The following SAMSN1 variants were observed in gnomAD, a reference collection of about 807,000 sequenced individuals.
SAMSN1 encodes the protein SAM domain, SH3 domain and nuclear localization signals 1.
In SAMSN1, 31 loss-of-function variants were observed where a neutral mutation model predicts 42.0. The observed-to-expected ratio is 0.74, with a 90% CI of 0.55 to 1.00. SAMSN1 has a LOEUF of 1.00. SAMSN1 is among the 50% of genes least tolerant of loss of function. The pLI is 0.00. For missense variants in SAMSN1, 464 were observed against 439.4 expected, an observed-to-expected ratio of 1.06 and a Z score of -0.50; for synonymous variants, 178 against 151.9, an observed-to-expected ratio of 1.17 and a Z score of -1.26.
chr21:14,620,851 C>G (rs1057067224), intron 2 of SAMSN1, among the ~76,000 whole-genome samples: 17 of 152,076 alleles, frequency 1.1e-4, no homozygotes, highest in African/African-American at 4.1e-4. Context: ...AACATGGGTA[C>G]AAACACATAT....
At chr21:14,652,800 A>G (rs1983857470) in intron 1 of SAMSN1, among the ~76,000 whole-genome samples, 1 of 152,118 alleles carries the variant, frequency 6.6e-6, no homozygotes, top group Non-Finnish European at 1.5e-5. Context: ...CGTGGGATTA[A>G]TAACCAGAAC....
chr21:14,657,988 G>A (rs181443183), intron 1 of SAMSN1, among the ~76,000 whole-genome samples: 1 of 151,736 alleles, frequency 6.6e-6, no homozygotes, highest in African/African-American at 2.4e-5. Context: ...AAATGAGAGG[G>A]ATCTCCCATC....
At chr21:14,507,963 A>G (rs919034753) in intron 5 of SAMSN1, among the ~76,000 whole-genome samples, 1 of 152,120 alleles carries the variant, frequency 6.6e-6, no homozygotes, top group African/African-American at 2.4e-5. Context: ...GGGAAAGGAC[A>G]CCCTTTTCAA....
At chr21:14,505,182 AAC>A (rs1202088111) in intron 5 of SAMSN1, among the ~76,000 whole-genome samples, 1 of 151,750 alleles carries the variant, frequency 6.6e-6, no homozygotes, top group Non-Finnish European at 1.5e-5. Flanking sequence ...CAATTTAAAA[AAC>A]ACAAAAAACC....
At chr21:14,624,895 C>A (rs1001528728) in intron 2 of SAMSN1, among the ~76,000 whole-genome samples, 1 of 152,096 alleles carries the variant, frequency 6.6e-6, no homozygotes, top group African/African-American at 2.4e-5. Flanking sequence ...AGTGGCAAAC[C>A]GAATCCAGTA....
chr21:14,613,192 A>C (rs1438787451), intron 3 of SAMSN1, among the ~76,000 whole-genome samples: 1 of 152,206 alleles, frequency 6.6e-6, no homozygotes, highest in Non-Finnish European at 1.5e-5. Flanking sequence ...ATCTCAGGAT[A>C]ACCAAATAGT....
At chr21:14,566,298 A>C (rs2822771) in intron 2 of SAMSN1, among the ~76,000 whole-genome samples, 3,116 of 152,290 alleles carry the variant, frequency 0.02, 44 homozygotes, top group South Asian at 0.034. Context: ...CTAAGTAGTC[A>C]ATTTCAAAAA....
chr21:14,553,340 A>G (rs962888567), intron 2 of SAMSN1, among the ~76,000 whole-genome samples: 1 of 152,080 alleles, frequency 6.6e-6, no homozygotes, highest in African/African-American at 2.4e-5. Flanking sequence ...TTGGTTCTCT[A>G]TATATTGTTA....
intron 2 of SAMSN1, among the ~76,000 whole-genome samples, chr21:14,552,236 T>G (rs1310506339): frequency 1.3e-5 from 2 of 152,130 alleles, no homozygotes; most frequent in Non-Finnish European, 2.9e-5. Flanking sequence ...TTGTCTCTAA[T>G]TTTATGCTTA....
At chr21:14,534,795 A>C (rs1291183260) in intron 1 of SAMSN1, among the ~76,000 whole-genome samples, 2 of 152,186 alleles carry the variant, frequency 1.3e-5, no homozygotes, top group Non-Finnish European at 2.9e-5. Context: ...TGATTACCAC[A>C]ATGAGGCTCA....
intron 1 of SAMSN1, among the ~76,000 whole-genome samples, chr21:14,522,924 T>C (rs1019783564): frequency 5.9e-5 from 9 of 152,120 alleles, no homozygotes; most frequent in Non-Finnish European, 1.3e-4. Context: ...CACTCCTCAT[T>C]GTGGAACAAT....
chr21:14,490,069 T>C (rs1241049131), intron 7 of SAMSN1, among the ~76,000 whole-genome samples: 1 of 152,118 alleles, frequency 6.6e-6, no homozygotes, highest in Non-Finnish European at 1.5e-5. Context: ...AAAACTAATT[T>C]TTGCTTGACT....
intron 5 of SAMSN1, among the ~76,000 whole-genome samples, chr21:14,503,829 C>A (rs1987282346): frequency 6.6e-6 from 1 of 152,020 alleles, no homozygotes; most frequent in Non-Finnish European, 1.5e-5. Context: ...CTCACAGATC[C>A]CCTGAAGGAA....
chr21:14,540,159 T>G (rs944990447), intron 1 of SAMSN1, among the ~76,000 whole-genome samples: 1 of 152,188 alleles, frequency 6.6e-6, no homozygotes, highest in Admixed American at 6.5e-5. Context: ...GATTAAAGAC[T>G]TACATGTTAG....
At chr21:14,599,733 C>T (rs1469030760) in intron 6 of SAMSN1, among the ~76,000 whole-genome samples, 2 of 152,142 alleles carry the variant, frequency 1.3e-5, no homozygotes, top group Non-Finnish European at 2.9e-5. Context: ...CACCTTCAGC[C>T]ATGAGTGGAA....
intron 2 of SAMSN1, among the ~76,000 whole-genome samples, chr21:14,639,211 G>T (rs542927078): frequency 4.6e-5 from 7 of 152,282 alleles, no homozygotes; most frequent in African/African-American, 1.2e-4. Context: ...AACATTTTAT[G>T]TTCTCTGTCT....
intron 2 of SAMSN1, among the ~76,000 whole-genome samples, chr21:14,635,392 G>GA (rs1222997859): frequency 5.9e-5 from 9 of 152,110 alleles, no homozygotes; most frequent in Non-Finnish European, 1.3e-4. Flanking sequence ...ATTAGTAGGT[G>GA]AAAAAATACC....
chr21:14,601,135 G>A (rs191170748), intron 6 of SAMSN1, among the ~76,000 whole-genome samples: 2 of 152,314 alleles, frequency 1.3e-5, no homozygotes, highest in African/African-American at 4.8e-5. Flanking sequence ...ACTGAGCTCT[G>A]TCTGATATCA....
At chr21:14,642,482 T>C (rs1983619031) in intron 2 of SAMSN1, among the ~76,000 whole-genome samples, 1 of 152,182 alleles carries the variant, frequency 6.6e-6, no homozygotes, top group Non-Finnish European at 1.5e-5. Flanking sequence ...GAGATAATTA[T>C]TAACTAAATA....
Sources: allele counts gnomAD v4.1 joint callset (sites outside exome capture counted in the v4.1 genomes callset), GRCh38; gene constraint gnomAD v4.1.1; transcripts MANE v1.5; gene names NCBI Gene and HGNC (gene_info 2026-07-23, HGNC 2026-07-21).